Variants in LRP2 observed in about 807,000 individuals in gnomAD.
LRP2 encodes low-density lipoprotein receptor-related protein 2.
LRP2 carries 172 observed loss-of-function variants against 531.0 expected under a neutral mutation model. That is an observed-to-expected ratio of 0.32 (90% confidence interval 0.29 to 0.37). LRP2 has a LOEUF of 0.37. Ranked by LOEUF, LRP2 falls within the 10% of genes least tolerant of loss-of-function variation. LRP2 has a pLI of 1.00. For missense variants in LRP2, 5,167 were observed against 5,868.3 expected, an observed-to-expected ratio of 0.88 and a Z score of 3.90; for synonymous variants, 1,992 against 2,027.6, an observed-to-expected ratio of 0.98 and a Z score of 0.47.
intron 1 of LRP2, among the ~76,000 whole-genome samples, chr2:169,351,787 A>T (rs1306979699): frequency 6.6e-5 from 10 of 152,192 alleles, no homozygotes; most frequent in Admixed American, 6.5e-4. Flanking sequence ...TTAGCTACAG[A>T]GTTGCAGATG....
chr2:169,206,771 T>C lies in LRP2; in HGVS notation c.6949A>G (p.Arg2317Gly). The C allele has an allele frequency of 6.2e-7, 1 of 1,614,166 alleles. No individual in the cohort carries two copies. ...TCTCTTAGCCAGTTGATATTGTCTC[T>C]TATCACTGTGGGTGGCTCTGTGTTC... is the stretch of plus-strand genomic sequence containing the variant. ...PENTEPPTVI[R>G]DNINWLRDVT... Residue 2317 changes from arginine (R) to glycine (G), a missense_variant, in exon 39 of 79, where the codon AGA becomes GGA. By Grantham distance (125) the Arg-to-Gly change is moderately radical. Around this residue, in one of 6 missense-constraint regions of LRP2, gnomAD observed 2,811 missense variants for 3,058.0 expected, o/e 0.92. Coordinates refer to ENST00000649046, the MANE Select transcript of LRP2 (RefSeq NM_004525.3).
chr2:169,157,082 CTGG>C (rs1412837000), intron 64 of LRP2, among the ~76,000 whole-genome samples: 1 of 152,148 alleles, frequency 6.6e-6, no homozygotes, highest in Non-Finnish European at 1.5e-5. Flanking sequence ...ATTTCACACA[CTGG>C]TGCAATAAGC....
intron 3 of LRP2, 65 bp from the exon 4 acceptor site, chr2:169,307,462 A>T (rs1451295442): frequency 4.2e-6 from 4 of 944,266 alleles, no homozygotes; most frequent in African/African-American, 1.6e-5. Context: ...ATCTATTGTC[A>T]TTAACAAGGA....
At chr2:169,173,890 C>A in intron 56 of LRP2, 29 bp downstream of exon 56, 2 of 1,613,574 alleles carry the variant, frequency 1.2e-6, no homozygotes, top group South Asian at 2.2e-5. Context: ...CTGCTCTGGT[C>A]ATGCCTTGGT....
chr2:169,256,256 A>C lies in LRP2; in HGVS notation c.2640-20T>G, dbSNP rs1459483792. ...GAAGCACTAAAATAATAAAATATTT[A>C]GTTATCTCTTATCCAAAAACTATCA... On this transcript the variant is annotated intron_variant, in intron 18 of 78. Coordinates refer to ENST00000649046, the MANE Select transcript of LRP2 (RefSeq NM_004525.3). The C allele has an allele frequency of 1.9e-6, 3 of 1,607,602 alleles. No homozygotes were observed. The highest frequency in any genetic ancestry group is 3.3e-5 in the Admixed American group (2 of 59,884).
chr2:169,335,735 C>T (rs74505905), intron 1 of LRP2, among the ~76,000 whole-genome samples: 22,768 of 152,200 alleles, frequency 0.15, 2,094 homozygotes, highest in East Asian at 0.26. Context: ...CATGAAAGGC[C>T]AGGTGTGGTG....
At chr2:169,347,130 C>T (rs956490516) in intron 1 of LRP2, among the ~76,000 whole-genome samples, 1 of 152,224 alleles carries the variant, frequency 6.6e-6, no homozygotes, top group Non-Finnish European at 1.5e-5. Context: ...TCTCTCTGAA[C>T]CTTGCTCTGA....
rs528767921 is a variant in LRP2 at position 169,254,643 on chromosome 2, T to TAAAAA, written c.2770+1458_2770+1462dup. On this transcript the variant is annotated intron_variant, in intron 19 of 78. Transcript: ENST00000649046. Reference sequence around the variant, plus strand: ...ATGTACCCTAAAACTTAGAGTATAATAAAAAAAAAAAAAAACAGCAATGTT... The same window carrying TAAAAA: ...ATGTACCCTAAAACTTAGAGTATAATAAAAAAAAAAAAAAAAAAAACAGCAATGTT... 3.3e-4 allele frequency among the ~76,000 whole-genome samples: 24 copies of TAAAAA among 73,260 alleles called. 4 individuals carry two copies. In the South Asian group the frequency reaches 5.1e-3, roughly 16 times the overall value. 48.1% of individuals were successfully genotyped at this position (73,260 alleles called of 152,430 possible). A position where few individuals can be genotyped will look rare whatever the true frequency, so the allele number is the denominator to read the frequency against.
At chr2:169,311,799 G>A (rs190395215) in intron 3 of LRP2, among the ~76,000 whole-genome samples, 6 of 152,240 alleles carry the variant, frequency 3.9e-5, no homozygotes, top group Admixed American at 3.3e-4. Context: ...TGACAGTGGG[G>A]TGTTAAAGTC....
intron 66 of LRP2, 85 bp downstream of exon 66, chr2:169,154,375 A>T: frequency 7.7e-7 from 1 of 1,296,064 alleles, no homozygotes; most frequent in Non-Finnish European, 1.1e-6. Context: ...TTCACTCATT[A>T]AACAATAAAT....
At chr2:169,189,668 T>C (rs1357907910) in intron 48 of LRP2, among the ~76,000 whole-genome samples, 4 of 152,152 alleles carry the variant, frequency 2.6e-5, no homozygotes, top group Admixed American at 2.6e-4. Context: ...TGTCCCACTG[T>C]ACCAAATGGG....
rs1354247453 is a variant in LRP2, at chr2:169,146,851, G to T, written c.12699C>A (p.Gly4233=). ...CATTGTTCAAATAATCGATAGAAAG[G>T]CCAGTTGGCCAACCAAGGTCCTCGA... ...LVFEDLGWPT[G]LSIDYLNNDR... is the part of the protein sequence containing the mutation. Residue 4233 remains glycine (G), a synonymous_variant, in exon 69 of 79, where the codon GGC becomes GGA. Coordinates refer to ENST00000649046, the MANE Select transcript of LRP2 (RefSeq NM_004525.3). The T allele has an allele frequency of 6.2e-7, 1 of 1,614,174 alleles. No individual in the cohort carries two copies. The highest frequency in any genetic ancestry group is 8.5e-7 in the Non-Finnish European group (1 of 1,180,008).
At chr2:169,242,291 T>A (rs72876285) in intron 24 of LRP2, among the ~76,000 whole-genome samples, 2,898 of 152,278 alleles carry the variant, frequency 0.019, 48 homozygotes, top group Admixed American at 0.037. Context: ...AAATAACAAA[T>A]CATGTGAGTA....
In LRP2 at chr2:169,317,487, AT is replaced by A. The variant is rs537397419; in HGVS notation, c.310+1274del. On this transcript the variant is annotated intron_variant, in intron 3 of 78. Transcript: ENST00000649046. ...ATCAAGAAAGGCCAATAGGATAAATATGGCAGAGCAAAAAAGTGAGAAAAAG... is the reference window on the plus strand; with the variant it reads ...ATCAAGAAAGGCCAATAGGATAAATAGGCAGAGCAAAAAAGTGAGAAAAAG... Among the ~76,000 whole-genome samples, 8 of 152,318 alleles carry A rather than the reference AT, an allele frequency of 5.3e-5. No individual in the cohort carries two copies. The South Asian group carries it at 1.7e-3, about 32-fold the overall frequency.
intron 18 of LRP2, 87 bp from the exon 19 acceptor site, chr2:169,256,323 AG>A: frequency 9.9e-7 from 1 of 1,006,424 alleles, no homozygotes; most frequent in Non-Finnish European, 1.5e-6. Context: ...CAGTAGGGTC[AG>A]TTGACACATT....
At chr2:169,130,714 G>A (rs542713904) in intron 77 of LRP2, among the ~76,000 whole-genome samples, 1 of 152,318 alleles carries the variant, frequency 6.6e-6, no homozygotes, top group Admixed American at 6.5e-5. Context: ...CATGCTGGCT[G>A]TTAACTCAGT....
intron 68 of LRP2, among the ~76,000 whole-genome samples, chr2:169,147,416 G>T (rs1685957091): frequency 6.6e-6 from 1 of 152,134 alleles, no homozygotes; most frequent in African/African-American, 2.4e-5. Flanking sequence ...CTGGGCTCAA[G>T]CGATCCTCTC....
chr2:169,297,906 G>C (rs1684174382), intron 4 of LRP2, among the ~76,000 whole-genome samples: 2 of 151,818 alleles, frequency 1.3e-5, no homozygotes, highest in Admixed American at 1.3e-4. Flanking sequence ...GGACAACATA[G>C]AAAAAACCAT....
intron 1 of LRP2, among the ~76,000 whole-genome samples, chr2:169,328,441 T>TAAAAAAAAAAAGAAAA (rs1685176519): frequency 4.1e-5 from 2 of 49,110 alleles, no homozygotes; most frequent in South Asian, 8.3e-4. Context: ...CGGGCCGGGA[T>TAAAAAAAAAAAGAAAA]AAAAAAAAAA....
Sources: allele counts gnomAD v4.1 joint callset (sites outside exome capture counted in the v4.1 genomes callset), GRCh38; gene constraint gnomAD v4.1.1; regional missense constraint gnomAD v4.1.1; transcripts MANE v1.5; gene names NCBI Gene and HGNC (gene_info 2026-07-23, HGNC 2026-07-21).